PCDHGA2: variants seen among roughly 807,000 people sequenced by gnomAD.
PCDHGA2 encodes the protein protocadherin gamma-A2.
A neutral mutation model predicts 59.2 loss-of-function variants in PCDHGA2; 40 were observed. That is an observed-to-expected ratio of 0.68 (90% CI 0.52 to 0.88). PCDHGA2 has a LOEUF of 0.88. Among genes scored for constraint, PCDHGA2 ranks in the 40% least tolerant of loss-of-function variants. The pLI, the probability that PCDHGA2 is intolerant of heterozygous loss-of-function variation, is 0.00. For missense variants in PCDHGA2, 1,226 were observed against 1,204.0 expected, an observed-to-expected ratio of 1.02 and a Z score of -0.27; for synonymous variants, 560 against 526.0, an observed-to-expected ratio of 1.06 and a Z score of -0.89.
intron 1 of PCDHGA2, chr5:141,392,964 G>C (rs772870041): frequency 1.4e-5 from 23 of 1,613,902 alleles, no homozygotes; most frequent in Non-Finnish European, 1.9e-5. Flanking sequence ...TATCTCCAAG[G>C]ACCTGGGGCT....
intron 1 of PCDHGA2, among the ~76,000 whole-genome samples, chr5:141,483,599 G>A (rs1419379218): frequency 6.6e-6 from 1 of 152,048 alleles, no homozygotes; most frequent in African/African-American, 2.4e-5. Flanking sequence ...GGTCAGGCTG[G>A]TTTACACCTC....
At chr5:141,395,424 T>C in intron 1 of PCDHGA2, 2 of 735,384 alleles carry the variant, frequency 2.7e-6, no homozygotes, top group Middle Eastern at 7.8e-4. Flanking sequence ...TTTCATTTGC[T>C]TTTAAACGAC....
chr5:141,338,772 C>T lies in PCDHGA2; in HGVS notation c.-200C>T, dbSNP rs1018818967. ...CAGCGAGACATCCAATCCAGCAATA[C>T]GGCTCCCACAGCACAAGGGGGTGGA... On this transcript the variant is annotated 5_prime_UTR_variant, in exon 1 of 4. It adds an upstream start codon to the 5' untranslated region. Transcript: ENST00000394576. 11 of 1,275,848 alleles carry T rather than the reference C, an allele frequency of 8.6e-6. No homozygotes were observed. The highest frequency in any genetic ancestry group is 3.0e-5 in the South Asian group (1 of 33,380). 79.0% of individuals were successfully genotyped at this position (1,275,848 alleles called of 1,614,324 possible). A position where few individuals can be genotyped will look rare whatever the true frequency, so the allele number is the denominator to read the frequency against.
intron 1 of PCDHGA2, chr5:141,360,866 A>T: frequency 6.2e-7 from 1 of 1,614,058 alleles, no homozygotes; most frequent in Non-Finnish European, 8.5e-7. Flanking sequence ...GTGTTCAGCC[A>T]GGACGTGTAC....
At chr5:141,351,362 C>T (rs867459693) in intron 1 of PCDHGA2, 4 of 1,612,386 alleles carry the variant, frequency 2.5e-6, no homozygotes, top group African/African-American at 1.3e-5. Flanking sequence ...CATAAAAGTG[C>T]GAGACAAGGA....
At position 141,415,832 on chromosome 5, in the gene PCDHGA2, T is replaced by C. The variant is rs995620508; in HGVS notation, c.2424+74437T>C. On this transcript the variant is annotated intron_variant, in intron 1 of 3. Coordinates refer to ENST00000394576, the MANE Select transcript of PCDHGA2 (RefSeq NM_018915.4). ...GCCTATATATCATAAGGCTTTGTTA[T>C]GATTAGCTTTGCAGAACCTTGTAGT... 33 of 1,310,754 alleles carry C rather than the reference T, an allele frequency of 2.5e-5. No individual in the cohort carries two copies. The African/African-American group carries it at 4.7e-4, about 19-fold the overall frequency. 81.2% of individuals were successfully genotyped at this position (1,310,754 alleles called of 1,614,324 possible).
chr5:141,344,552 C>T, intron 1 of PCDHGA2: 1 of 1,614,024 alleles, frequency 6.2e-7, no homozygotes, highest in South Asian at 1.1e-5. Flanking sequence ...ACAAGCTTAG[C>T]CCCAATGACT....
rs1452737362 is a variant in PCDHGA2, at chr5:141,432,324, A to G, written c.2425-62483A>G. On this transcript the variant is annotated intron_variant, in intron 1 of 3. Transcript: ENST00000394576. The surrounding 1 kb of genome is among the most constrained non-coding windows in gnomAD (Gnocchi z 6.0). ...CTGTATGCGCTGAGCTCCTTCGACTACGAGCAGTTCCGAGACTTGCAAGTG... is the reference window on the plus strand; with the variant it reads ...CTGTATGCGCTGAGCTCCTTCGACTGCGAGCAGTTCCGAGACTTGCAAGTG... 3 of 1,614,058 alleles carry G rather than the reference A, an allele frequency of 1.9e-6. No homozygotes were observed. The highest frequency in any genetic ancestry group is 2.7e-5 in the African/African-American group (2 of 74,910).
chr5:141,364,767 C>T (rs868142397), intron 1 of PCDHGA2: 1 of 1,613,876 alleles, frequency 6.2e-7, no homozygotes, highest in Non-Finnish European at 8.5e-7. Flanking sequence ...AATGAAAATG[C>T]GGCTGCAGGG....
intron 1 of PCDHGA2, chr5:141,389,975 CTCAGT>C: frequency 6.2e-7 from 1 of 1,614,060 alleles, no homozygotes; most frequent in South Asian, 1.1e-5. Flanking sequence ...TGGCCTTGAT[CTCAGT>C]GCTCTTCCTC....
At position 141,489,135 on chromosome 5, in the gene PCDHGA2, G is replaced by T; in HGVS notation, c.2425-5672G>T. The T allele has an allele frequency of 1.4e-6, 1 of 725,448 alleles. No individual in the cohort carries two copies. The highest frequency in any genetic ancestry group is 2.1e-6 in the Non-Finnish European group (1 of 470,770). 44.9% of individuals were successfully genotyped at this position (725,448 alleles called of 1,614,324 possible). ...GCAAACCTCCGAGCAGTTTTTAAGA[G>T]GCTGGAAGGAGACATAAGAGACTTC... On this transcript the variant is annotated intron_variant, in intron 1 of 3. Coordinates refer to ENST00000394576, the MANE Select transcript of PCDHGA2 (RefSeq NM_018915.4). The surrounding 1 kb of genome is among the most constrained non-coding windows in gnomAD (Gnocchi z 4.5).
At chr5:141,352,498 T>C in intron 1 of PCDHGA2, 1 of 1,614,030 alleles carries the variant, frequency 6.2e-7, no homozygotes. Flanking sequence ...CTTTGCCCTA[T>C]TCCTACAATC....
intron 1 of PCDHGA2, among the ~76,000 whole-genome samples, chr5:141,469,134 G>T (rs2099192163): frequency 6.6e-6 from 1 of 151,944 alleles, no homozygotes; most frequent in Non-Finnish European, 1.5e-5. Context: ...AAATTAGCCA[G>T]AAATGGTGGC....
intron 1 of PCDHGA2, chr5:141,371,619 G>A (rs780564010): frequency 1.5e-5 from 25 of 1,613,894 alleles, no homozygotes; most frequent in Non-Finnish European, 2.1e-5. Flanking sequence ...GACAGATGGA[G>A]CCCTGGACCG....
chr5:141,397,172 G>C (rs1407642752), intron 1 of PCDHGA2, among the ~76,000 whole-genome samples: 3 of 152,128 alleles, frequency 2.0e-5, no homozygotes, highest in Non-Finnish European at 2.9e-5. Flanking sequence ...TAACTCTTAA[G>C]AATGAATTTA....
rs1270447529 is a variant in PCDHGA2 at position 141,490,526 on chromosome 5, C to A, written c.2425-4281C>A. 3 of 1,614,116 alleles carry A rather than the reference C, an allele frequency of 1.9e-6. No homozygotes were observed. Among genetic ancestry groups the A allele is most frequent in the Non-Finnish European group, 2.5e-6 (3 of 1,180,008 alleles). On this transcript the variant is annotated intron_variant, in intron 1 of 3. Transcript: ENST00000394576. This position sits in a 1 kb window ranked among gnomAD's most constrained non-coding sequence, Gnocchi z 5.4. ...ATCATCGAGCTGCTGGCCAGCGATG[C>A]TGGTTCACCTTCCCTACACAAACAT...
intron 1 of PCDHGA2, among the ~76,000 whole-genome samples, chr5:141,438,325 A>C (rs1400796518): frequency 6.6e-6 from 1 of 151,948 alleles, no homozygotes; most frequent in African/African-American, 2.4e-5. Context: ...AATTTTTCTT[A>C]TACATGTCAT....
chr5:141,351,535 A>G (rs1432313028), intron 1 of PCDHGA2: 3 of 1,614,032 alleles, frequency 1.9e-6, no homozygotes, highest in Admixed American at 3.3e-5. Flanking sequence ...ACAAGGGCAA[A>G]CCAGCCCTTT....
intron 1 of PCDHGA2, chr5:141,350,612 G>C (rs1232171482): frequency 2.5e-6 from 4 of 1,614,070 alleles, no homozygotes; most frequent in Middle Eastern, 3.3e-4. Context: ...CCACGTGGTT[G>C]TTGTAATCCA....
Sources: allele counts gnomAD v4.1 joint callset (sites outside exome capture counted in the v4.1 genomes callset), GRCh38; gene constraint gnomAD v4.1.1; non-coding constraint Gnocchi (gnomAD v3.1); transcripts MANE v1.5; gene names NCBI Gene and HGNC (gene_info 2026-07-23, HGNC 2026-07-21).